The following SIN3B variants were observed in gnomAD, a reference collection of about 807,000 sequenced individuals.
SIN3B encodes the protein paired amphipathic helix protein Sin3b.
In SIN3B, 19 loss-of-function variants were observed where a neutral mutation model predicts 120.2. The observed-to-expected ratio is 0.16, with a 90% CI of 0.11 to 0.23. SIN3B has a LOEUF of 0.23. SIN3B is among the 10% of genes least tolerant of loss of function. The pLI is 1.00. For missense variants in SIN3B, 1,073 were observed against 1,573.0 expected (o/e 0.68, Z 5.38); for synonymous variants, 654 against 653.2 (o/e 1.00, Z -0.02).
chr19:16,836,463 A>G (rs115068854), intron 3 of SIN3B, among the ~76,000 whole-genome samples: 88 of 152,228 alleles, frequency 5.8e-4, no homozygotes, highest in African/African-American at 2.1e-3. Flanking sequence ...AGAGCCCCCT[A>G]GTCCCTACCC....
At chr19:16,869,329 C>G (rs11881609) in intron 12 of SIN3B, 131 bp from the exon 13 acceptor site, 3 of 1,219,142 alleles carry the variant, frequency 2.5e-6, no homozygotes, top group Non-Finnish European at 3.3e-6. Flanking sequence ...CACCGATGTT[C>G]GCCACCCATC....
At position 16,879,521 on chromosome 19, in the gene SIN3B, C is replaced by T. The variant is rs560175748; in HGVS notation, c.*794C>T. The stretch of plus-strand genomic sequence containing the variant: ...GTGTTCCTGCAGTGGGCACCCTAGG[C>T]GTATGTGTATACACGCACAGATATT... On this transcript the variant is annotated 3_prime_UTR_variant, in exon 19 of 19. Coordinates refer to ENST00000248054, the MANE Select transcript of SIN3B (RefSeq NM_001297595.2). 2.0e-5 allele frequency: 3 copies of T among 152,378 alleles called. No homozygotes were observed. Among genetic ancestry groups the T allele is most frequent in the South Asian group, 2.1e-4 (1 of 4,824 alleles). 9.4% of individuals were successfully genotyped at this position (152,378 alleles called of 1,614,324 possible).
At chr19:16,863,327 G>A in intron 9 of SIN3B, 7 of 338,982 alleles carry the variant, frequency 2.1e-5, no homozygotes, top group Middle Eastern at 8.2e-4. Flanking sequence ...AGAATGCAGT[G>A]TAACAATGAT....
intron 2 of SIN3B, among the ~76,000 whole-genome samples, chr19:16,830,205 GT>G (rs1971262195): frequency 1.3e-5 from 2 of 152,158 alleles, no homozygotes; most frequent in African/African-American, 4.8e-5. Flanking sequence ...TATTAGTTTT[GT>G]TCATGAAAGA....
Position 16,877,436 on chromosome 19 carries a change from C to T in SIN3B, c.2860-109C>T, listed in dbSNP as rs1269635977. 7 of 750,504 alleles carry T rather than the reference C, an allele frequency of 9.3e-6. No individual in the cohort carries two copies. In the African/African-American group the frequency reaches 1.0e-4, roughly 11 times the overall value. The allele number at this position is 750,504 out of a possible 1,614,324, so 46.5% of individuals were successfully genotyped here. Reference sequence around the variant, plus strand: ...TGCAGCGGCTCTCCTCATGCTCTGGCAGTGGGGGGCACAGAACCCCTGTGA... The same window carrying T: ...TGCAGCGGCTCTCCTCATGCTCTGGTAGTGGGGGGCACAGAACCCCTGTGA... On this transcript the variant is annotated intron_variant, in intron 16 of 18. Coordinates refer to ENST00000248054, the MANE Select transcript of SIN3B (RefSeq NM_001297595.2).
chr19:16,870,411 G>T (rs987536619), intron 13 of SIN3B, among the ~76,000 whole-genome samples: 1 of 149,698 alleles, frequency 6.7e-6, no homozygotes, highest in Non-Finnish European at 1.5e-5. Flanking sequence ...TTGAGATGGA[G>T]TCTTGCGCTG....
rs1357018589 is a variant in SIN3B, at chr19:16,847,047, C to T, written c.660C>T (p.Leu220=). Residue 220 remains leucine, a synonymous_variant, in exon 5 of 19, where the codon CTC becomes CTT. Transcript: ENST00000248054. ...EEEVFTEVAN[L]FRGQEDLLSE... is the part of the protein sequence containing the mutation. ...AGGTGTTCACCGAGGTGGCCAACCT[C>T]TTCCGGGGCCAGGAGGACCTGCTCT... is the stretch of plus-strand genomic sequence containing the variant. 1.2e-6 allele frequency: 2 copies of T among 1,614,088 alleles called. No homozygotes were observed. Among genetic ancestry groups the T allele is most frequent in the Non-Finnish European group, 1.7e-6 (2 of 1,180,018 alleles).
Position 16,876,905 on chromosome 19 carries a change from T to A in SIN3B, c.2859+327T>A. 1 of 287,888 alleles carries A rather than the reference T, an allele frequency of 3.5e-6. No individual in the cohort carries two copies. Among genetic ancestry groups the A allele is most frequent in the Non-Finnish European group, 6.6e-6 (1 of 152,038 alleles). The allele number at this position is 287,888 out of a possible 1,614,324, so 17.8% of individuals were successfully genotyped here. A position where few individuals can be genotyped will look rare whatever the true frequency, so the allele number is the denominator to read the frequency against. ...GTGGCTGTGACCTCTGCACCTCTTG[T>A]GTCAGGGCTGCATCCTGTTCCTAAT... On this transcript the variant is annotated intron_variant, in intron 16 of 18. Transcript: ENST00000248054. This position sits in a 1 kb window ranked among gnomAD's most constrained non-coding sequence, Gnocchi z 7.1.
Position 16,876,908 on chromosome 19 carries a change from C to T in SIN3B, c.2859+330C>T, listed in dbSNP as rs546417366. ...GCTGTGACCTCTGCACCTCTTGTGT[C>T]AGGGCTGCATCCTGTTCCTAATCCC... On this transcript the variant is annotated intron_variant, in intron 16 of 18. Coordinates refer to ENST00000248054, the MANE Select transcript of SIN3B (RefSeq NM_001297595.2). This position sits in a 1 kb window ranked among gnomAD's most constrained non-coding sequence, Gnocchi z 7.1. The T allele has an allele frequency of 2.1e-5, 6 of 285,640 alleles. No homozygotes were observed. Among genetic ancestry groups the T allele is most frequent in the African/African-American group, 1.3e-4 (6 of 45,610 alleles). The allele number at this position is 285,640 out of a possible 1,614,324, so 17.7% of individuals were successfully genotyped here.
At chr19:16,873,823 T>G (rs2051545532) in intron 14 of SIN3B, among the ~76,000 whole-genome samples, 1 of 152,210 alleles carries the variant, frequency 6.6e-6, no homozygotes, top group South Asian at 2.1e-4. Flanking sequence ...CCCTCCACAC[T>G]GTTTGTAACC....
chr19:16,872,813 C>G (rs1330901130), intron 14 of SIN3B: 1 of 152,200 alleles, frequency 6.6e-6, no homozygotes, highest in African/African-American at 2.4e-5. Context: ...GCACACAGCG[C>G]CCAGCCGCAT....
intron 5 of SIN3B, among the ~76,000 whole-genome samples, chr19:16,849,824 C>T (rs76285988): frequency 0.072 from 10,965 of 152,180 alleles, 549 homozygotes; most frequent in Middle Eastern, 0.13. Flanking sequence ...AGCGTGGTGG[C>T]TCGTGCCTGT....
intron 3 of SIN3B, among the ~76,000 whole-genome samples, chr19:16,837,741 G>A (rs1183412783): frequency 6.6e-6 from 1 of 152,132 alleles, no homozygotes; most frequent in African/African-American, 2.4e-5. Flanking sequence ...CATGTGATGG[G>A]GGCAGAGTGG....
intron 12 of SIN3B, among the ~76,000 whole-genome samples, chr19:16,867,455 G>A (rs1410927040): frequency 2.0e-5 from 3 of 152,184 alleles, no homozygotes; most frequent in Non-Finnish European, 2.9e-5. Flanking sequence ...GGGAGTGCCT[G>A]CTTGCAGGAT....
At chr19:16,869,413 T>A in intron 12 of SIN3B, 47 bp from the exon 13 acceptor site, 1 of 1,539,042 alleles carries the variant, frequency 6.5e-7, no homozygotes, top group Non-Finnish European at 8.8e-7. Flanking sequence ...GGGGGTCCTC[T>A]GGGTGCTGGG....
Position 16,865,616 on chromosome 19 carries a change from C to T in SIN3B, c.1590C>T (p.Asn530=), listed in dbSNP as rs1243227115. 2 of 1,611,432 alleles carry T rather than the reference C, an allele frequency of 1.2e-6. No homozygotes were observed. Among genetic ancestry groups the T allele is most frequent in the East Asian group, 2.2e-5 (1 of 44,776 alleles). The part of the protein sequence containing the change: ...APEIIESLKK[N]PVTAVPVVLK... ...AGATCATCGAGAGCCTCAAGAAGAA[C>T]CCTGTCACCGCTGTCCCCGTTGTCC... The change falls in exon 11 of 19, where the codon AAC becomes AAT. Residue 530 remains asparagine (N), a synonymous_variant. Transcript: ENST00000248054.
intron 14 of SIN3B, 75 bp from the exon 15 acceptor site, chr19:16,875,980 C>A (rs144115924): frequency 2.0e-6 from 3 of 1,473,248 alleles, no homozygotes; most frequent in South Asian, 1.3e-5. Context: ...TGGCCTTTGT[C>A]GACTTCCTCT....
intron 4 of SIN3B, among the ~76,000 whole-genome samples, chr19:16,846,670 C>G (rs2144589387): frequency 6.6e-6 from 1 of 152,310 alleles, no homozygotes; most frequent in East Asian, 1.9e-4. Context: ...CTGGGGTTCG[C>G]CCCTGACCTT....
In SIN3B at chr19:16,878,202, C is replaced by T. The variant is rs370020528; in HGVS notation, c.2974C>T (p.Arg992Cys). The T allele has an allele frequency of 1.2e-5, 19 of 1,579,806 alleles. No individual in the cohort carries two copies. Among genetic ancestry groups the T allele is most frequent in the Admixed American group, 1.8e-5 (1 of 56,452 alleles). ...FLQRNLKKFR[R>C]RWQSEQARAL... ...CCCCAGGAACCTCAAGAAGTTCCGC[C>T]GCCGGTGGCAGAGCGAGCAGGCGCG... Residue 992 changes from arginine (R) to cysteine (C), a missense_variant, in exon 18 of 19, where the codon CGC (arginine) becomes TGC (cysteine). Arg to Cys is a radical substitution (Grantham distance 180, BLOSUM62 -3). Around this residue, in one of 7 missense-constraint regions of SIN3B, gnomAD observed 311 missense variants for 400.3 expected, o/e 0.78. Coordinates refer to ENST00000248054, the MANE Select transcript of SIN3B (RefSeq NM_001297595.2).
Sources: allele counts gnomAD v4.1 joint callset (sites outside exome capture counted in the v4.1 genomes callset), GRCh38; gene constraint gnomAD v4.1.1; regional missense constraint gnomAD v4.1.1; non-coding constraint Gnocchi (gnomAD v3.1); transcripts MANE v1.5; gene names NCBI Gene and HGNC (gene_info 2026-07-23, HGNC 2026-07-21).